The following GALNT1 variants were observed in gnomAD, a reference collection of about 807,000 sequenced individuals.
GALNT1 encodes polypeptide N-acetylgalactosaminyltransferase 1, also known as GalNAc transferase 1.
GALNT1 carries 17 observed loss-of-function variants against 65.7 expected under a neutral mutation model. The ratio of observed to expected loss-of-function variants is 0.26; its 90% CI spans 0.18 to 0.39. GALNT1 has a LOEUF of 0.39. Among genes scored for constraint, GALNT1 ranks in the 10% least tolerant of loss-of-function variants. The pLI, the probability that GALNT1 is intolerant of heterozygous loss-of-function variation, is 1.00. For missense variants in GALNT1, 460 were observed against 672.8 expected (o/e 0.68, Z 3.50); for synonymous variants, 210 against 219.7 (o/e 0.96, Z 0.39).
intron 1 of GALNT1, chr18:35,597,737 C>T (rs1315403155): frequency 1.3e-5 from 2 of 152,054 alleles, no homozygotes; most frequent in Admixed American, 1.3e-4. Flanking sequence ...ATTCATCGGT[C>T]GTTAGCATAT....
Position 35,636,783 on chromosome 18 carries a change from GTTTTTTTT to G in GALNT1, c.-103-17759_-103-17752del, listed in dbSNP as rs58909585. Among the ~76,000 whole-genome samples, 38 of 64,216 alleles carry G rather than the reference GTTTTTTTT, an allele frequency of 5.9e-4. No homozygotes were observed. The East Asian group carries it at 7.1e-3, about 12-fold the overall frequency. 42.1% of individuals were successfully genotyped at this position (64,216 alleles called of 152,430 possible). A position where few individuals can be genotyped will look rare whatever the true frequency, so the allele number is the denominator to read the frequency against. Reference sequence around the variant, plus strand: ...TATTGTACTTCACAGATACTACTTTGTTTTTTTTTTTTTTTTTTTTTTTTTCAACAAAT... The same window carrying G: ...TATTGTACTTCACAGATACTACTTTGTTTTTTTTTTTTTTTTTCAACAAAT... On this transcript the variant is annotated intron_variant, in intron 1 of 11. Transcript: ENST00000269195.
intron 1 of GALNT1, among the ~76,000 whole-genome samples, chr18:35,610,495 A>G (rs2046704150): frequency 6.6e-6 from 1 of 152,188 alleles, no homozygotes. Flanking sequence ...TTATTGCTGT[A>G]GATCTAGAGC....
intron 1 of GALNT1, among the ~76,000 whole-genome samples, chr18:35,584,416 G>A (rs1237386676): frequency 2.0e-5 from 3 of 152,108 alleles, no homozygotes; most frequent in African/African-American, 7.2e-5. Context: ...GCTGGGCTGA[G>A]GTAGAGGAGG....
intron 1 of GALNT1, among the ~76,000 whole-genome samples, chr18:35,592,417 T>TA (rs2046456529): frequency 1.3e-5 from 2 of 152,010 alleles, no homozygotes; most frequent in South Asian, 2.1e-4. Context: ...AGGATTCTGG[T>TA]AAAAAAGAAT....
chr18:35,705,228 C>T (rs1016574531), intron 11 of GALNT1, among the ~76,000 whole-genome samples: 12 of 152,166 alleles, frequency 7.9e-5, no homozygotes, highest in African/African-American at 2.9e-4. Flanking sequence ...CTTCCCTCTG[C>T]CTGACACACC....
intron 1 of GALNT1, among the ~76,000 whole-genome samples, chr18:35,617,097 A>T (rs2144079217): frequency 6.6e-6 from 1 of 152,206 alleles, no homozygotes; most frequent in African/African-American, 2.4e-5. Context: ...GCAGGCATTC[A>T]GACAGCTCCC....
intron 9 of GALNT1, among the ~76,000 whole-genome samples, chr18:35,695,496 T>G (rs978234870): frequency 1.8e-4 from 28 of 151,992 alleles, no homozygotes; most frequent in African/African-American, 6.8e-4. Context: ...GAAAAGGATG[T>G]AAAATAGAAA....
At chr18:35,691,302 C>T in intron 8 of GALNT1, 110 bp downstream of exon 8, 1 of 829,244 alleles carries the variant, frequency 1.2e-6, no homozygotes, top group Non-Finnish European at 1.8e-6. Context: ...TGAACACCTG[C>T]CTCATAAGGT....
At chr18:35,609,097 A>G (rs1262451050) in intron 1 of GALNT1, among the ~76,000 whole-genome samples, 4 of 152,228 alleles carry the variant, frequency 2.6e-5, no homozygotes, top group African/African-American at 4.8e-5. Flanking sequence ...TTGTCAGACT[A>G]AGATTTCTTT....
intron 1 of GALNT1, among the ~76,000 whole-genome samples, chr18:35,621,434 C>G (rs1485434591): frequency 6.8e-6 from 1 of 147,786 alleles, no homozygotes; most frequent in African/African-American, 2.6e-5. Flanking sequence ...TCAAGTGATC[C>G]TCCTGTCTTG....
intron 1 of GALNT1, among the ~76,000 whole-genome samples, chr18:35,628,796 C>T (rs12955315): frequency 0.1 from 15,649 of 152,150 alleles, 896 homozygotes; most frequent in Admixed American, 0.18. Context: ...TCGAACCCAA[C>T]GCAAAGAAGT....
intron 1 of GALNT1, among the ~76,000 whole-genome samples, chr18:35,637,142 C>A (rs766940856): frequency 6.6e-6 from 1 of 152,136 alleles, no homozygotes; most frequent in Non-Finnish European, 1.5e-5. Context: ...AACACATACA[C>A]CACCACACTC....
intron 3 of GALNT1, among the ~76,000 whole-genome samples, chr18:35,674,510 T>C (rs1423108253): frequency 6.6e-6 from 1 of 152,154 alleles, no homozygotes; most frequent in Non-Finnish European, 1.5e-5. Flanking sequence ...AGTTTCTTCC[T>C]CCTGCATTGT....
chr18:35,657,165 G>A (rs537629432), intron 2 of GALNT1, among the ~76,000 whole-genome samples: 72 of 151,896 alleles, frequency 4.7e-4, no homozygotes, highest in Non-Finnish European at 9.7e-4. Context: ...GCACAATCTC[G>A]GCTCACTGCT....
intron 1 of GALNT1, among the ~76,000 whole-genome samples, chr18:35,645,716 CT>C (rs772498412): frequency 2.6e-5 from 4 of 152,060 alleles, no homozygotes; most frequent in South Asian, 2.1e-4. Flanking sequence ...TTTTTTCCCC[CT>C]AATCCTTAAT....
intron 2 of GALNT1, among the ~76,000 whole-genome samples, chr18:35,662,607 C>G (rs2047493070): frequency 6.7e-6 from 1 of 149,362 alleles, no homozygotes; most frequent in Non-Finnish European, 1.5e-5. Flanking sequence ...CTTGATGCCA[C>G]TATTTTTTGT....
At chr18:35,702,711 C>A in intron 9 of GALNT1, 186 bp from the exon 10 acceptor site, 2 of 366,530 alleles carry the variant, frequency 5.5e-6, no homozygotes. Context: ...CAGAAAATTA[C>A]ATAAACAGTT....
intron 9 of GALNT1, among the ~76,000 whole-genome samples, chr18:35,694,838 A>G (rs1266121342): frequency 6.6e-6 from 1 of 152,216 alleles, no homozygotes; most frequent in African/African-American, 2.4e-5. Context: ...TTTCAGTCTT[A>G]AAAAGGAAGG....
At chr18:35,685,661 A>G (rs2047856704) in intron 5 of GALNT1, among the ~76,000 whole-genome samples, 1 of 152,220 alleles carries the variant, frequency 6.6e-6, no homozygotes, top group South Asian at 2.1e-4. Flanking sequence ...ATTTATTGGA[A>G]AAAGGAAAAG....
Sources: allele counts gnomAD v4.1 joint callset (sites outside exome capture counted in the v4.1 genomes callset), GRCh38; gene constraint gnomAD v4.1.1; transcripts MANE v1.5; gene names NCBI Gene and HGNC (gene_info 2026-07-23, HGNC 2026-07-21).